AGBL4: variants seen among roughly 807,000 people sequenced by gnomAD.
The protein encoded by AGBL4 is AGBL carboxypeptidase 4.
Under a neutral mutation model 66.4 loss-of-function variants are expected in AGBL4, and 58 were observed. The observed-to-expected ratio is 0.87, with a 90% CI of 0.71 to 1.09. The LOEUF is 1.09. Among genes scored for constraint, AGBL4 ranks in the 50% least tolerant of loss-of-function variants. AGBL4 has a pLI of 0.00. For synonymous variants in AGBL4, 234 were observed against 222.9 expected (o/e 1.05, Z -0.44); for missense variants, 579 against 631.0 (o/e 0.92, Z 0.88).
At chr1:49,553,331 G>A (rs1027597222) in intron 3 of AGBL4, among the ~76,000 whole-genome samples, 4 of 152,068 alleles carry the variant, frequency 2.6e-5, no homozygotes, top group African/African-American at 7.2e-5. Flanking sequence ...CTATGTCATA[G>A]TGAAACATCC....
At chr1:49,779,635 A>G (rs1465067498) in intron 2 of AGBL4, among the ~76,000 whole-genome samples, 1 of 152,168 alleles carries the variant, frequency 6.6e-6, no homozygotes, top group Non-Finnish European at 1.5e-5. Flanking sequence ...ACACACGAGT[A>G]TGGCTGGCAT....
At chr1:49,768,943 G>T (rs1273724674) in intron 2 of AGBL4, among the ~76,000 whole-genome samples, 1 of 152,042 alleles carries the variant, frequency 6.6e-6, no homozygotes, top group East Asian at 1.9e-4. Flanking sequence ...CCGCCTCCTG[G>T]GTTCAAGCGA....
At chr1:48,806,272 A>G (rs975479447) in intron 6 of AGBL4, among the ~76,000 whole-genome samples, 13 of 152,144 alleles carry the variant, frequency 8.5e-5, no homozygotes, top group African/African-American at 2.9e-4. Flanking sequence ...TCATGTGAAG[A>G]TGGTAGAATG....
At chr1:48,552,737 G>A (rs1458279172) in intron 11 of AGBL4, among the ~76,000 whole-genome samples, 2 of 152,130 alleles carry the variant, frequency 1.3e-5, no homozygotes, top group Admixed American at 1.3e-4. Context: ...GTATCTGGTG[G>A]AGATACAGCA....
intron 9 of AGBL4, among the ~76,000 whole-genome samples, chr1:48,598,603 C>T (rs1645031427): frequency 1.3e-5 from 2 of 152,168 alleles, no homozygotes; most frequent in South Asian, 4.2e-4. Flanking sequence ...ATGGGGAACG[C>T]CTGTCTCTAC....
At chr1:48,774,143 TC>T (rs1256445803) in intron 6 of AGBL4, among the ~76,000 whole-genome samples, 1 of 152,222 alleles carries the variant, frequency 6.6e-6, no homozygotes, top group Non-Finnish European at 1.5e-5. Context: ...TCTATTTGTG[TC>T]AGAGAGATTA....
At chr1:50,003,813 G>A (rs937225661) in intron 1 of AGBL4, among the ~76,000 whole-genome samples, 4 of 152,106 alleles carry the variant, frequency 2.6e-5, no homozygotes, top group Admixed American at 6.6e-5. Flanking sequence ...ACAGCGAAAA[G>A]TTTAAGGATT....
At chr1:49,511,276 TA>T (rs1649219165) in intron 3 of AGBL4, among the ~76,000 whole-genome samples, 1 of 151,458 alleles carries the variant, frequency 6.6e-6, no homozygotes, top group Non-Finnish European at 1.5e-5. Context: ...TATGCAGCCA[TA>T]AAAAATGATG....
chr1:49,243,403 C>G lies in AGBL4; in HGVS notation c.377+2367G>C, dbSNP rs562866974. ...TATTCTGAGAGCCCATAGCCAATTC[C>G]TTATCAAACCCTGGGAACATTTAGG... On this transcript the variant is annotated intron_variant, in intron 4 of 13. Coordinates refer to ENST00000371839, the MANE Select transcript of AGBL4 (RefSeq NM_032785.4). Among the ~76,000 whole-genome samples the G allele has an allele frequency of 1.3e-4, 19 of 151,778 alleles. No homozygotes were observed. The South Asian group carries it at 1.9e-3, about 15-fold the overall frequency.
intron 3 of AGBL4, among the ~76,000 whole-genome samples, chr1:49,665,111 A>G (rs1430388258): frequency 6.6e-6 from 1 of 152,140 alleles, no homozygotes; most frequent in East Asian, 1.9e-4. Context: ...CCAGAGTGTT[A>G]GAAAACAGTA....
At chr1:49,499,056 G>T (rs1444455993) in intron 3 of AGBL4, among the ~76,000 whole-genome samples, 1 of 151,882 alleles carries the variant, frequency 6.6e-6, no homozygotes, top group Non-Finnish European at 1.5e-5. Flanking sequence ...TTGGTTTCAG[G>T]GTTGTCCTGG....
At chr1:49,295,408 C>T (rs1644622955) in intron 3 of AGBL4, among the ~76,000 whole-genome samples, 1 of 152,166 alleles carries the variant, frequency 6.6e-6, no homozygotes, top group Non-Finnish European at 1.5e-5. Flanking sequence ...AAGGCTCTCT[C>T]TGACTTAAGA....
intron 3 of AGBL4, among the ~76,000 whole-genome samples, chr1:49,312,577 T>C (rs1207402143): frequency 6.6e-6 from 1 of 152,000 alleles, no homozygotes; most frequent in Non-Finnish European, 1.5e-5. Context: ...AAAAACAATA[T>C]ATCAGATAAA....
chr1:49,139,307 C>T (rs965859443), intron 4 of AGBL4, among the ~76,000 whole-genome samples: 8 of 152,142 alleles, frequency 5.3e-5, no homozygotes, highest in African/African-American at 1.9e-4. Flanking sequence ...ATCCAGGGGT[C>T]ATTATTTCCA....
intron 3 of AGBL4, among the ~76,000 whole-genome samples, chr1:49,422,779 T>C (rs927451232): frequency 5.3e-5 from 8 of 152,194 alleles, no homozygotes; most frequent in African/African-American, 1.9e-4. Flanking sequence ...TTGATTCTCA[T>C]CCCCACCCCC....
At chr1:48,976,899 T>G (rs1033619052) in intron 5 of AGBL4, among the ~76,000 whole-genome samples, 1 of 152,300 alleles carries the variant, frequency 6.6e-6, no homozygotes, top group South Asian at 2.1e-4. Context: ...CCTTTTTCCT[T>G]TCTTCAGCAT....
At chr1:49,269,197 A>G (rs1251060079) in intron 3 of AGBL4, 2 of 152,228 alleles carry the variant, frequency 1.3e-5, no homozygotes, top group Non-Finnish European at 2.9e-5. Context: ...GAGCACCCAG[A>G]CAAGATCAGC....
intron 3 of AGBL4, among the ~76,000 whole-genome samples, chr1:49,496,415 G>A (rs1488838602): frequency 6.6e-6 from 1 of 151,732 alleles, no homozygotes; most frequent in South Asian, 2.1e-4. Context: ...TGATTTTAAA[G>A]AATACAATAC....
intron 3 of AGBL4, among the ~76,000 whole-genome samples, chr1:49,478,905 A>C (rs1047284026): frequency 6.6e-6 from 1 of 152,044 alleles, no homozygotes; most frequent in Non-Finnish European, 1.5e-5. Context: ...ATGCAGAGTT[A>C]AGTTGTTATC....
Sources: gnomAD v4.1 joint callset for allele counts (sites outside exome capture counted in the v4.1 genomes callset) on GRCh38, gnomAD v4.1.1 for gene constraint, MANE v1.5 for transcripts, NCBI Gene and HGNC (gene_info 2026-07-23, HGNC 2026-07-21) for gene names.